Variants in DGKB observed in about 807,000 individuals in gnomAD.
DGKB encodes the protein diacylglycerol kinase beta.
In DGKB, 67 loss-of-function variants were observed where a neutral mutation model predicts 114.3. The observed-to-expected ratio is 0.59, with a 90% confidence interval of 0.48 to 0.72. The LOEUF (loss-of-function observed/expected upper bound fraction) is 0.72. Among genes scored for constraint, DGKB ranks in the 30% least tolerant of loss-of-function variants. The pLI, the probability that DGKB is intolerant of heterozygous loss-of-function variation, is 0.00. For synonymous variants in DGKB, 398 were observed against 323.1 expected (o/e 1.23, Z -2.49); for missense variants, 907 against 975.2 (o/e 0.93, Z 0.93).
At chr7:14,544,159 A>T (rs891794658) in intron 20 of DGKB, among the ~76,000 whole-genome samples, 4 of 152,352 alleles carry the variant, frequency 2.6e-5, no homozygotes, top group Admixed American at 2.0e-4. Flanking sequence ...AGAAAACCTC[A>T]GCAGAACATC....
intron 23 of DGKB, among the ~76,000 whole-genome samples, chr7:14,220,515 GA>G (rs1789765190): frequency 6.6e-6 from 1 of 151,298 alleles, no homozygotes; most frequent in Non-Finnish European, 1.5e-5. Context: ...ACACTGTCTT[GA>G]TTACTCATGG....
upstream of DGKB, among the ~76,000 whole-genome samples, chr7:14,905,974 G>A (rs1248034023): frequency 6.6e-6 from 1 of 152,102 alleles, no homozygotes; most frequent in Non-Finnish European, 1.5e-5. Flanking sequence ...GGGTCTCTAA[G>A]TGTCCTTTCA....
intron 1 of DGKB, among the ~76,000 whole-genome samples, chr7:14,893,435 T>C (rs1277393083): frequency 6.6e-6 from 1 of 151,424 alleles, no homozygotes; most frequent in African/African-American, 2.4e-5. Context: ...CTTTGCAAAC[T>C]CTTCTATTCC....
chr7:14,560,036 C>T (rs566239312), intron 20 of DGKB, among the ~76,000 whole-genome samples: 2 of 145,506 alleles, frequency 1.4e-5, no homozygotes, highest in African/African-American at 5.1e-5. Context: ...ATTCAATCTT[C>T]TGCCCATTTT....
chr7:14,965,630 A>G (rs1466341077), intron 1 of DGKB, among the ~76,000 whole-genome samples: 1 of 152,138 alleles, frequency 6.6e-6, no homozygotes. Flanking sequence ...ATTCATAAGT[A>G]AAATTATAAT....
chr7:14,375,776 C>G (rs1453795646), intron 21 of DGKB, among the ~76,000 whole-genome samples: 1 of 152,202 alleles, frequency 6.6e-6, no homozygotes, highest in Non-Finnish European at 1.5e-5. Context: ...CCTCTCTCCT[C>G]TGAAAGACTG....
intron 5 of DGKB, among the ~76,000 whole-genome samples, chr7:14,728,798 G>A (rs966616871): frequency 6.6e-6 from 1 of 151,310 alleles, no homozygotes; most frequent in Admixed American, 6.6e-5. Flanking sequence ...TGCCTCCCAG[G>A]CTCAAGCAAT....
intron 2 of DGKB, among the ~76,000 whole-genome samples, chr7:14,775,485 A>G (rs1398816750): frequency 6.6e-6 from 1 of 151,284 alleles, no homozygotes; most frequent in East Asian, 2.0e-4. Context: ...AACTGCAATT[A>G]CTTTTGCACC....
intron 25 of DGKB, among the ~76,000 whole-genome samples, chr7:14,157,283 C>T (rs10261123): frequency 2.6e-5 from 4 of 151,570 alleles, no homozygotes; most frequent in Admixed American, 6.6e-5. Flanking sequence ...CATATGACAG[C>T]GGGAATAAAG....
intron 15 of DGKB, among the ~76,000 whole-genome samples, chr7:14,614,121 AAGAC>A (rs1563682284): frequency 6.6e-6 from 1 of 152,182 alleles, no homozygotes; most frequent in Non-Finnish European, 1.5e-5. Context: ...TTGAACAAGA[AAGAC>A]AAAGTTTCTG....
intron 13 of DGKB, among the ~76,000 whole-genome samples, chr7:14,669,392 C>A (rs1039088769): frequency 2.0e-5 from 3 of 152,120 alleles, no homozygotes; most frequent in African/African-American, 7.2e-5. Context: ...CTAATCCCCC[C>A]AGTGCCTTTG....
intron 5 of DGKB, among the ~76,000 whole-genome samples, chr7:14,719,657 C>T (rs1337289535): frequency 2.0e-5 from 3 of 152,066 alleles, no homozygotes; most frequent in African/African-American, 7.2e-5. Context: ...TACCTGACTG[C>T]GTATGTCTCA....
chr7:14,708,404 G>T (rs1220399701), intron 6 of DGKB, among the ~76,000 whole-genome samples: 1 of 131,838 alleles, frequency 7.6e-6, no homozygotes, highest in Non-Finnish European at 1.6e-5. Flanking sequence ...GTAATTTACA[G>T]ATTCAATGCC....
At chr7:14,307,984 G>A (rs1192739626) in intron 23 of DGKB, among the ~76,000 whole-genome samples, 6 of 152,062 alleles carry the variant, frequency 3.9e-5, no homozygotes, top group Middle Eastern at 3.4e-3. Context: ...TAAATAAAAA[G>A]TTTTGAAATA....
At chr7:14,653,758 T>C (rs568638331) in intron 13 of DGKB, among the ~76,000 whole-genome samples, 2 of 151,906 alleles carry the variant, frequency 1.3e-5, no homozygotes, top group South Asian at 2.1e-4. Flanking sequence ...AATACATCAA[T>C]AGAATAAAGG....
chr7:14,832,868 T>C (rs1846619704), intron 2 of DGKB, among the ~76,000 whole-genome samples: 1 of 152,160 alleles, frequency 6.6e-6, no homozygotes, highest in Non-Finnish European at 1.5e-5. Context: ...TGTCTGGCTC[T>C]GATTTCTTTC....
At chr7:14,646,720 A>T (rs1156812721) in intron 13 of DGKB, among the ~76,000 whole-genome samples, 1 of 152,272 alleles carries the variant, frequency 6.6e-6, no homozygotes, top group Middle Eastern at 3.4e-3. Context: ...TGGAAATTAA[A>T]CAACATGCTC....
intron 20 of DGKB, among the ~76,000 whole-genome samples, chr7:14,528,436 G>A (rs959119064): frequency 5.9e-5 from 9 of 151,854 alleles, no homozygotes; most frequent in Non-Finnish European, 1.3e-4. Context: ...TTAAGAACAG[G>A]GTGACTATGT....
At chr7:14,356,352 C>CTTTTTTTTTTTTTTTTTTTT (rs997102742) in intron 21 of DGKB, among the ~76,000 whole-genome samples, 1 of 77,224 alleles carries the variant, frequency 1.3e-5, no homozygotes, top group Non-Finnish European at 2.6e-5. Flanking sequence ...TTCTCTAGTT[C>CTTTTTTTTTTTTTTTTTTTT]TTTTTTTTTT....
Sources: gnomAD v4.1 joint callset for allele counts (sites outside exome capture counted in the v4.1 genomes callset) on GRCh38, gnomAD v4.1.1 for gene constraint, MANE v1.5 for transcripts, NCBI Gene and HGNC (gene_info 2026-07-23, HGNC 2026-07-21) for gene names.